Variants in DMD observed in about 807,000 individuals in gnomAD.
The protein encoded by DMD is mutant dystrophin.
Under a neutral mutation model 330.1 loss-of-function variants are expected in DMD, and 63 were observed. That is an observed-to-expected ratio of 0.19 (90% CI 0.16 to 0.24). The LOEUF is 0.24. Ranked by LOEUF, DMD falls within the 10% of genes least tolerant of loss-of-function variation. The pLI is 1.00. For missense variants in DMD, 3,344 were observed against 2,684.1 expected, an observed-to-expected ratio of 1.25 and a Z score of -5.43; for synonymous variants, 1,223 against 959.8, an observed-to-expected ratio of 1.27 and a Z score of -5.07.
intron 29 of DMD, among the ~76,000 whole-genome samples, chrX:32,413,521 T>C (rs754666936): frequency 2.7e-5 from 3 of 110,005 alleles, no homozygotes; most frequent in Non-Finnish European, 5.7e-5. Flanking sequence ...CTCTCTCCAT[T>C]GTCTTTACTC....
intron 29 of DMD, among the ~76,000 whole-genome samples, chrX:32,418,972 C>CAAAAAAA (rs1160282195): frequency 0.014 from 185 of 13,502 alleles, 26 homozygotes; most frequent in African/African-American, 0.04. Flanking sequence ...GACTCTGTCT[C>CAAAAAAA]AAAAAAAAAA....
intron 16 of DMD, among the ~76,000 whole-genome samples, chrX:32,553,962 T>A (rs2049880523): frequency 8.9e-6 from 1 of 112,214 alleles, no homozygotes; most frequent in African/African-American, 3.2e-5. Context: ...CCTCACTGGG[T>A]GGGACCTCCC....
intron 7 of DMD, among the ~76,000 whole-genome samples, chrX:32,712,814 T>C (rs2065313898): frequency 8.9e-6 from 1 of 111,863 alleles, no homozygotes; most frequent in South Asian, 3.7e-4. Flanking sequence ...GGTAAATTTG[T>C]CGGTATTTTA....
intron 1 of DMD, among the ~76,000 whole-genome samples, chrX:33,162,753 T>A (rs1349107626): frequency 9.1e-6 from 1 of 110,168 alleles, no homozygotes; most frequent in Non-Finnish European, 1.9e-5. Flanking sequence ...TCTGTTTTTA[T>A]GCTGTTTTTT....
intron 7 of DMD, among the ~76,000 whole-genome samples, chrX:32,787,245 T>TGAGAGA (rs1199431495): frequency 2.5e-5 from 2 of 81,367 alleles, no homozygotes; most frequent in African/African-American, 8.8e-5. Context: ...TGTGTGTGTG[T>TGAGAGA]GTGAGAGAGA....
chrX:31,136,298 T>C (rs1199878025), intron 76 of DMD, among the ~76,000 whole-genome samples: 1 of 111,976 alleles, frequency 8.9e-6, no homozygotes, highest in Admixed American at 9.5e-5. Context: ...CTCACACACA[T>C]GCACTATTTG....
chrX:31,143,044 T>A (rs1358866009), intron 76 of DMD, among the ~76,000 whole-genome samples: 1 of 112,318 alleles, frequency 8.9e-6, no homozygotes, highest in African/African-American at 3.2e-5. Context: ...CAGCCTTGTA[T>A]CTCAAACCTT....
At chrX:32,493,981 C>T (rs1000846304) in intron 19 of DMD, among the ~76,000 whole-genome samples, 4 of 111,639 alleles carry the variant, frequency 3.6e-5, no homozygotes, top group South Asian at 3.8e-4. Flanking sequence ...CTAAATGAGA[C>T]GGGAACACAG....
At chrX:32,852,550 A>G (rs763476208) in intron 2 of DMD, among the ~76,000 whole-genome samples, 1 of 111,265 alleles carries the variant, frequency 9.0e-6, no homozygotes, top group Admixed American at 9.6e-5. Flanking sequence ...CTTGGGTACT[A>G]GCTCAACCAC....
chrX:31,659,655 A>G (rs2081008620), intron 53 of DMD, among the ~76,000 whole-genome samples: 1 of 105,226 alleles, frequency 9.5e-6, no homozygotes, highest in Non-Finnish European at 1.9e-5. Flanking sequence ...AAAAAAAAAA[A>G]AAAAAAAAAA....
At chrX:32,707,320 G>A (rs868624049) in intron 7 of DMD, among the ~76,000 whole-genome samples, 1 of 111,813 alleles carries the variant, frequency 8.9e-6, no homozygotes, top group Non-Finnish European at 1.9e-5. Flanking sequence ...CTGTATCCCT[G>A]CTTCATTGAA....
At chrX:33,056,348 T>TTC (rs2094517624) in intron 1 of DMD, among the ~76,000 whole-genome samples, 1 of 109,114 alleles carries the variant, frequency 9.2e-6, no homozygotes, top group South Asian at 3.9e-4. Flanking sequence ...CTTTTTTTTT[T>TTC]CTTTTTCTTT....
intron 2 of DMD, among the ~76,000 whole-genome samples, chrX:32,944,784 TA>T (rs1416432511): frequency 4.6e-5 from 5 of 109,875 alleles, no homozygotes; most frequent in Non-Finnish European, 9.5e-5. Context: ...TTTGTATTTT[TA>T]AGTAGAGGCT....
At chrX:32,451,220 T>A (rs1297351538) in intron 26 of DMD, among the ~76,000 whole-genome samples, 2 of 110,736 alleles carry the variant, frequency 1.8e-5, no homozygotes, top group African/African-American at 6.6e-5. Flanking sequence ...GAATCAGAAA[T>A]TCTGGGGTCA....
At chrX:32,185,460 T>C (rs891168396) in intron 44 of DMD, among the ~76,000 whole-genome samples, 2 of 111,651 alleles carry the variant, frequency 1.8e-5, no homozygotes, top group Non-Finnish European at 3.8e-5. Context: ...AATATGGATT[T>C]GATTCTCTGC....
intron 11 of DMD, among the ~76,000 whole-genome samples, chrX:32,641,840 T>C (rs1455167106): frequency 3.6e-5 from 4 of 110,926 alleles, no homozygotes; most frequent in African/African-American, 1.3e-4. Context: ...GAATCCATTT[T>C]TGTTTACTAG....
chrX:31,459,935 TG>T (rs1364936436), intron 59 of DMD, among the ~76,000 whole-genome samples: 1 of 112,274 alleles, frequency 8.9e-6, no homozygotes, highest in East Asian at 2.8e-4. Context: ...CATTTTCCAT[TG>T]AACATTAATC....
intron 12 of DMD, among the ~76,000 whole-genome samples, chrX:32,612,730 A>T (rs958373944): frequency 3.6e-5 from 4 of 111,439 alleles, no homozygotes; most frequent in African/African-American, 9.8e-5. Context: ...CTATATGACA[A>T]GTAATCACAG....
At chrX:33,327,708 C>G (rs67892189) in intron 1 of DMD, among the ~76,000 whole-genome samples, 7,457 of 111,224 alleles carry the variant, frequency 0.067, 626 homozygotes, top group African/African-American at 0.23. Flanking sequence ...TGACCCAAAT[C>G]TGTATCACTA....
Sources: gnomAD v4.1 joint callset for allele counts (sites outside exome capture counted in the v4.1 genomes callset) on GRCh38, gnomAD v4.1.1 for gene constraint, MANE v1.5 for transcripts, NCBI Gene and HGNC (gene_info 2026-07-23, HGNC 2026-07-21) for gene names.